The following GDAP1L1 variants were observed in gnomAD, a reference collection of about 807,000 sequenced individuals.
The protein encoded by GDAP1L1 is ganglioside induced differentiation associated protein 1 like 1.
In GDAP1L1, 21 loss-of-function variants were observed where a neutral mutation model predicts 37.1. The observed-to-expected ratio is 0.57, with a 90% CI of 0.40 to 0.81. The LOEUF (loss-of-function observed/expected upper bound fraction) is 0.81, where lower values mean the gene tolerates loss of function less well. Among genes scored for constraint, GDAP1L1 ranks in the 40% least tolerant of loss-of-function variants. The probability of loss-of-function intolerance (pLI) is 0.00; values close to 1 mark genes in which losing one functional copy is unlikely to be tolerated. For missense variants in GDAP1L1, 362 were observed against 491.6 expected (o/e 0.74, Z 2.49); for synonymous variants, 193 against 209.1 (o/e 0.92, Z 0.67).
intron 5 of GDAP1L1, among the ~76,000 whole-genome samples, chr20:44,273,945 T>C (rs1393718852): frequency 6.6e-6 from 1 of 152,206 alleles, no homozygotes; most frequent in African/African-American, 2.4e-5. Context: ...CCACCCACTG[T>C]ATATCATCAA....
chr20:44,257,610 C>CGGTG (rs1466924942), intron 2 of GDAP1L1, among the ~76,000 whole-genome samples: 1 of 151,722 alleles, frequency 6.6e-6, no homozygotes, highest in Non-Finnish European at 1.5e-5. Context: ...AGACACCCCC[C>CGGTG]CACCAGGAGC....
At chr20:44,248,336 G>A (rs146928168) in intron 1 of GDAP1L1, among the ~76,000 whole-genome samples, 338 of 152,346 alleles carry the variant, frequency 2.2e-3, no homozygotes, top group African/African-American at 7.8e-3. Context: ...CCGTCTCTGG[G>A]CCACGGATTC....
In GDAP1L1 at chr20:44,257,368, G is replaced by T. The variant is rs149334547; in HGVS notation, c.373+23G>T. ...GAGGTACGGCTGCCTCCCCACCCAG[G>T]GGCCCACTCCATACCACAGATCCTC... On this transcript the variant is annotated intron_variant, in intron 2 of 5. Coordinates refer to ENST00000342560, the MANE Select transcript of GDAP1L1 (RefSeq NM_024034.6). 373 of 1,604,042 alleles carry T rather than the reference G, an allele frequency of 2.3e-4. 1 individual carries two copies. The East Asian group carries it at 8.2e-3, about 35-fold the overall frequency.
intron 5 of GDAP1L1, among the ~76,000 whole-genome samples, 176 bp from the exon 6 acceptor site, chr20:44,278,781 A>T (rs1414190758): frequency 2.6e-5 from 4 of 152,250 alleles, no homozygotes; most frequent in Non-Finnish European, 5.9e-5. Flanking sequence ...TTAAACAAAA[A>T]AATAATAATA....
intron 1 of GDAP1L1, among the ~76,000 whole-genome samples, chr20:44,254,934 CT>C (rs2073511068): frequency 6.6e-6 from 1 of 152,000 alleles, no homozygotes; most frequent in African/African-American, 2.4e-5. Flanking sequence ...ATGTATTAAC[CT>C]TCTGTGCTGG....
At chr20:44,257,076 C>T (rs1401185955) in intron 1 of GDAP1L1, 77 bp from the exon 2 acceptor site, 13 of 1,434,434 alleles carry the variant, frequency 9.1e-6, no homozygotes, top group South Asian at 4.1e-5. Context: ...CCTCCCTCCC[C>T]GCACACCCCC....
At chr20:44,272,193 C>A (rs998563140) in intron 5 of GDAP1L1, among the ~76,000 whole-genome samples, 1 of 152,126 alleles carries the variant, frequency 6.6e-6, no homozygotes, top group Non-Finnish European at 1.5e-5. Flanking sequence ...AGAAAGGCAA[C>A]CTGAAGAGAT....
chr20:44,247,119 G>C, upstream of GDAP1L1: 1 of 593,018 alleles, frequency 1.7e-6, no homozygotes, highest in Non-Finnish European at 3.0e-6. Flanking sequence ...TGACACTGAG[G>C]GCTGGCGGCT....
intron 5 of GDAP1L1, among the ~76,000 whole-genome samples, chr20:44,269,270 G>A (rs544199959): frequency 3.9e-4 from 60 of 152,074 alleles, no homozygotes; most frequent in African/African-American, 1.4e-3. Flanking sequence ...TTGCTCTCAC[G>A]GAGTTTGCAG....
chr20:44,263,082 G>A (rs2073701537), intron 3 of GDAP1L1, 148 bp from the exon 4 acceptor site: 4 of 689,402 alleles, frequency 5.8e-6, no homozygotes, highest in Non-Finnish European at 1.1e-5. Context: ...CTACGGCACA[G>A]CCTGCAGTGC....
chr20:44,261,203 GCGACCC>G (rs1371816825), intron 3 of GDAP1L1, among the ~76,000 whole-genome samples: 1 of 152,236 alleles, frequency 6.6e-6, no homozygotes, highest in African/African-American at 2.4e-5. Flanking sequence ...CCAGCCTGCA[GCGACCC>G]CTTAATCAGT....
rs753288357 is a variant in GDAP1L1 at position 44,264,492 on chromosome 20, C to T, written c.693C>T (p.Leu231=). 10 of 1,555,008 alleles carry T rather than the reference C, an allele frequency of 6.4e-6. No homozygotes were observed. Among genetic ancestry groups the T allele is most frequent in the South Asian group, 3.7e-5 (3 of 82,028 alleles). ...ATGTGAGCTACCTGAAGAAGATCCT[C>T]GGGGAACTGGCCATGGTGCTGGACC... The part of the protein sequence containing the change: ...HDDVSYLKKI[L]GELAMVLDQI... Residue 231 remains leucine (L), a synonymous_variant, in exon 5 of 6, where the codon CTC becomes CTT. Coordinates refer to ENST00000342560, the MANE Select transcript of GDAP1L1 (RefSeq NM_024034.6).
intron 5 of GDAP1L1, chr20:44,265,634 G>A: frequency 8.1e-6 from 3 of 368,822 alleles, no homozygotes; most frequent in Non-Finnish European, 1.1e-5. Context: ...AAGATGGGAT[G>A]GTAATAATAC....
chr20:44,267,828 AT>A (rs2062471604), intron 5 of GDAP1L1, among the ~76,000 whole-genome samples: 1 of 152,170 alleles, frequency 6.6e-6, no homozygotes, highest in South Asian at 2.1e-4. Flanking sequence ...TCAGACATGC[AT>A]TCCTTGTGGG....
chr20:44,280,612 T>G lies in GDAP1L1; in HGVS notation c.*1312T>G, dbSNP rs1055634790. The G allele has an allele frequency of 1.3e-5, 2 of 152,236 alleles. No individual in the cohort carries two copies. Among genetic ancestry groups the G allele is most frequent in the African/African-American group, 4.8e-5 (2 of 41,454 alleles). The allele number at this position is 152,236 out of a possible 1,614,324, so 9.4% of individuals were successfully genotyped here. A position where few individuals can be genotyped will look rare whatever the true frequency, so the allele number is the denominator to read the frequency against. ...AGCCCTTTACAGGTTACAGGGCATG[T>G]GTACAACCCTTTGTTCTCATTAACC... is the stretch of plus-strand genomic sequence containing the variant. On this transcript the variant is annotated 3_prime_UTR_variant, in exon 6 of 6. Coordinates refer to ENST00000342560, the MANE Select transcript of GDAP1L1 (RefSeq NM_024034.6).
At chr20:44,259,587 CCA>C (rs2073636332) in intron 3 of GDAP1L1, among the ~76,000 whole-genome samples, 1 of 151,682 alleles carries the variant, frequency 6.6e-6, no homozygotes, top group South Asian at 2.1e-4. Context: ...CCTCCTCTGC[CCA>C]GTCTCAAGCG....
chr20:44,260,605 G>A (rs924378707), intron 3 of GDAP1L1, among the ~76,000 whole-genome samples: 11 of 152,180 alleles, frequency 7.2e-5, no homozygotes, highest in Non-Finnish European at 1.6e-4. Context: ...GGGCATACAC[G>A]ATGTCCACCC....
intron 5 of GDAP1L1, among the ~76,000 whole-genome samples, chr20:44,267,847 G>A (rs912148625): frequency 6.6e-6 from 1 of 152,200 alleles, no homozygotes; most frequent in Admixed American, 6.5e-5. Context: ...GGGATTCCTA[G>A]GCTGGGACCC....
chr20:44,276,435 AG>A (rs2062579452), intron 5 of GDAP1L1, among the ~76,000 whole-genome samples: 1 of 145,118 alleles, frequency 6.9e-6, no homozygotes, highest in African/African-American at 2.5e-5. Flanking sequence ...AAAGAAAGAA[AG>A]AAAGAAAGAA....
Sources: allele counts gnomAD v4.1 joint callset (sites outside exome capture counted in the v4.1 genomes callset), GRCh38; gene constraint gnomAD v4.1.1; transcripts MANE v1.5; gene names NCBI Gene and HGNC (gene_info 2026-07-23, HGNC 2026-07-21).